Variants in NRG2 observed in about 807,000 individuals in gnomAD.
NRG2 encodes neuregulin 2.
A neutral mutation model predicts 73.9 loss-of-function variants in NRG2; 27 were observed. The observed-to-expected ratio is 0.37, with a 90% CI of 0.27 to 0.50. The LOEUF is 0.50. Among genes scored for constraint, NRG2 ranks in the 20% least tolerant of loss-of-function variants. The pLI is 0.96. For missense variants in NRG2, 1,126 were observed against 1,210.1 expected, an observed-to-expected ratio of 0.93 and a Z score of 1.03; for synonymous variants, 532 against 541.0, an observed-to-expected ratio of 0.98 and a Z score of 0.23.
intron 1 of NRG2, among the ~76,000 whole-genome samples, chr5:139,981,805 G>T (rs1402338914): frequency 6.6e-6 from 1 of 152,232 alleles, no homozygotes; most frequent in African/African-American, 2.4e-5. Context: ...TGTAGACAGA[G>T]GCTGGATCCT....
At chr5:139,916,071 T>C (rs971579851) in intron 1 of NRG2, among the ~76,000 whole-genome samples, 18 of 152,156 alleles carry the variant, frequency 1.2e-4, no homozygotes, top group African/African-American at 4.1e-4. Context: ...AGCAGCGTCA[T>C]GCAGGGCAGA....
intron 1 of NRG2, among the ~76,000 whole-genome samples, chr5:139,992,256 G>A (rs1037244709): frequency 2.0e-5 from 3 of 152,126 alleles, no homozygotes; most frequent in Admixed American, 2.0e-4. Context: ...TATTTTAAAT[G>A]CGTCTGCTCT....
At chr5:139,900,843 G>A (rs1764838664) in intron 1 of NRG2, among the ~76,000 whole-genome samples, 1 of 152,222 alleles carries the variant, frequency 6.6e-6, no homozygotes, top group Non-Finnish European at 1.5e-5. Flanking sequence ...GAAGCTCCCA[G>A]CACCAAGGGG....
At chr5:140,028,129 A>G (rs1760848000) in intron 1 of NRG2, among the ~76,000 whole-genome samples, 1 of 152,234 alleles carries the variant, frequency 6.6e-6, no homozygotes, top group Non-Finnish European at 1.5e-5. Context: ...GTCCTGGACC[A>G]GGAAAAGGCC....
At position 139,865,298 on chromosome 5, in the gene NRG2, C is replaced by A. The variant is rs1037911348; in HGVS notation, c.1189+251G>T. 9 of 833,848 alleles carry A rather than the reference C, an allele frequency of 1.1e-5. No individual in the cohort carries two copies. The highest frequency in any genetic ancestry group is 1.8e-5 in the Non-Finnish European group (9 of 489,080). The allele number at this position is 833,848 out of a possible 1,614,324, so 51.7% of individuals were successfully genotyped here. On this transcript the variant is annotated intron_variant, in intron 5 of 9. Coordinates refer to ENST00000361474, the MANE Select transcript of NRG2 (RefSeq NM_004883.3). The surrounding 1 kb of genome is among the most constrained non-coding windows in gnomAD (Gnocchi z 5.2). The stretch of plus-strand genomic sequence containing the variant: ...TTGCCACCGTTACCATTTGTATTGG[C>A]CTTGCCACTCTGCCCCTTACCTGCA...
At chr5:139,945,932 A>G (rs138873947) in intron 1 of NRG2, among the ~76,000 whole-genome samples, 107 of 152,216 alleles carry the variant, frequency 7.0e-4, no homozygotes, top group Non-Finnish European at 1.4e-3. Context: ...AAACTCTGAA[A>G]ACTACAAAAT....
intron 5 of NRG2, among the ~76,000 whole-genome samples, chr5:139,860,116 C>A (rs562770322): frequency 2.8e-4 from 42 of 152,238 alleles, no homozygotes; most frequent in South Asian, 1.2e-3. Flanking sequence ...CCCCAAGAGC[C>A]CCAAGGAGGG....
At chr5:140,038,766 A>C (rs1761693786) in intron 1 of NRG2, among the ~76,000 whole-genome samples, 1 of 152,202 alleles carries the variant, frequency 6.6e-6, no homozygotes, top group African/African-American at 2.4e-5. Context: ...CTGCCGAGGA[A>C]AGCAGCCACT....
chr5:139,972,255 A>G (rs1195090479), intron 1 of NRG2, among the ~76,000 whole-genome samples: 5 of 152,216 alleles, frequency 3.3e-5, no homozygotes, highest in Non-Finnish European at 5.9e-5. Flanking sequence ...ATACACAAAA[A>G]TAAATTATAG....
Position 139,851,919 on chromosome 5 carries a change from C to G in NRG2, c.1545-88G>C. On this transcript the variant is annotated intron_variant, in intron 8 of 9. Transcript: ENST00000361474. This position sits in a 1 kb window ranked among gnomAD's most constrained non-coding sequence, Gnocchi z 4.2. ...GGTCCCATGGACCTCCCTGGCTCTT[C>G]TTCCACCTCGAGCTCCCTTAGCTCA... 1 of 1,145,980 alleles carries G rather than the reference C, an allele frequency of 8.7e-7. No homozygotes were observed. Among genetic ancestry groups the G allele is most frequent in the Non-Finnish European group, 1.3e-6 (1 of 788,066 alleles). The allele number at this position is 1,145,980 out of a possible 1,614,324, so 71.0% of individuals were successfully genotyped here.
chr5:140,030,756 C>T (rs535915961), intron 1 of NRG2, among the ~76,000 whole-genome samples: 20 of 152,334 alleles, frequency 1.3e-4, no homozygotes, highest in Non-Finnish European at 1.9e-4. Flanking sequence ...GTGTCTGGCT[C>T]TGCCCAGATG....
intron 1 of NRG2, among the ~76,000 whole-genome samples, chr5:140,001,903 C>G (rs997397147): frequency 1.3e-5 from 2 of 152,004 alleles, no homozygotes; most frequent in African/African-American, 4.8e-5. Flanking sequence ...ATTAAGGAGG[C>G]CAGGCATAGT....
chr5:139,993,107 G>A (rs1251913989), intron 1 of NRG2, among the ~76,000 whole-genome samples: 1 of 151,718 alleles, frequency 6.6e-6, no homozygotes, highest in Non-Finnish European at 1.5e-5. Flanking sequence ...GATTGCATTT[G>A]TGTGTGGTGT....
At chr5:139,972,672 C>G (rs139087370) in intron 1 of NRG2, among the ~76,000 whole-genome samples, 1 of 152,104 alleles carries the variant, frequency 6.6e-6, no homozygotes, top group Admixed American at 6.6e-5. Flanking sequence ...CACAGTGAGC[C>G]GAGATTGCAC....
chr5:139,967,445 T>C (rs1255159760), intron 1 of NRG2, among the ~76,000 whole-genome samples: 1 of 152,178 alleles, frequency 6.6e-6, no homozygotes, highest in African/African-American at 2.4e-5. Flanking sequence ...AGGCCACAGG[T>C]GGCCAAATGT....
chr5:139,921,361 T>C (rs1751645685), intron 1 of NRG2, among the ~76,000 whole-genome samples: 1 of 152,218 alleles, frequency 6.6e-6, no homozygotes, highest in South Asian at 2.1e-4. Flanking sequence ...AAAGGTACAG[T>C]AATCAGGACA....
chr5:139,900,353 G>A (rs752294588), intron 1 of NRG2, among the ~76,000 whole-genome samples: 10 of 152,236 alleles, frequency 6.6e-5, no homozygotes, highest in African/African-American at 2.4e-5. Context: ...ACAAAGATGA[G>A]TGAACGTACA....
chr5:139,969,836 C>T (rs899790067), intron 1 of NRG2, among the ~76,000 whole-genome samples: 2 of 152,154 alleles, frequency 1.3e-5, no homozygotes, highest in Non-Finnish European at 2.9e-5. Flanking sequence ...GTGCCTTTCC[C>T]GTCCTTACTG....
intron 1 of NRG2, among the ~76,000 whole-genome samples, chr5:139,889,649 C>T (rs1419459653): frequency 6.6e-6 from 1 of 152,178 alleles, no homozygotes; most frequent in Non-Finnish European, 1.5e-5. Flanking sequence ...TGCCCCCTCC[C>T]CCTTCCCATT....
Sources: allele counts gnomAD v4.1 joint callset (sites outside exome capture counted in the v4.1 genomes callset), GRCh38; gene constraint gnomAD v4.1.1; non-coding constraint Gnocchi (gnomAD v3.1); transcripts MANE v1.5; gene names NCBI Gene and HGNC (gene_info 2026-07-23, HGNC 2026-07-21).